SLC24A4: variants seen among roughly 807,000 people sequenced by gnomAD.
SLC24A4 encodes the protein sodium/potassium/calcium exchanger 4.
SLC24A4 carries 53 observed loss-of-function variants against 79.0 expected under a neutral mutation model. The observed-to-expected ratio is 0.67, with a 90% CI of 0.54 to 0.84. The LOEUF is 0.84. Among genes scored for constraint, SLC24A4 ranks in the 40% least tolerant of loss-of-function variants. The pLI is 0.00. For missense variants in SLC24A4, 731 were observed against 822.0 expected (o/e 0.89, Z 1.35); for synonymous variants, 323 against 323.8 (o/e 1.00, Z 0.03).
chr14:92,467,630 T>C (rs2139881054), intron 12 of SLC24A4, among the ~76,000 whole-genome samples: 1 of 152,270 alleles, frequency 6.6e-6, no homozygotes, highest in Non-Finnish European at 1.5e-5. Context: ...TCCAGGCCAC[T>C]TGCCCTAGAA....
At position 92,352,191 on chromosome 14, in the gene SLC24A4, A is replaced by C. The variant is rs1178896678; in HGVS notation, c.241+26213A>C. Among the ~76,000 whole-genome samples, 4 of 152,304 alleles carry C rather than the reference A, an allele frequency of 2.6e-5. No homozygotes were observed. In the East Asian group the frequency reaches 7.7e-4, roughly 30 times the overall value. On this transcript the variant is annotated intron_variant, in intron 2 of 16. Transcript: ENST00000532405. ...GAACAAGGAGCTATGAATGAGAGGC[A>C]CCGTGAACAGGTGTGGGAGGCAATC... is the stretch of plus-strand genomic sequence containing the variant.
At chr14:92,443,320 C>CG (rs549172627) in intron 6 of SLC24A4, 80 bp from the exon 7 acceptor site, 1,388 of 1,354,308 alleles carry the variant, frequency 1.0e-3, no homozygotes, top group Non-Finnish European at 1.3e-3. Context: ...CCCTGCACTG[C>CG]GGGGGGAGGA....
rs1225298462 is a variant in SLC24A4 at position 92,490,461 on chromosome 14, C to T, written c.1538-1204C>T. On this transcript the variant is annotated intron_variant, in intron 14 of 16. Coordinates refer to ENST00000532405, the MANE Select transcript of SLC24A4 (RefSeq NM_153646.4). This position sits in a 1 kb window ranked among gnomAD's most constrained non-coding sequence, Gnocchi z 4.3. ...CCCCAGCCTCTGATGTGCTTCTAGC[C>T]TGGTTGGGGAAAGAGAGCTCACCCT... Among the ~76,000 whole-genome samples, 1 of 152,118 alleles carries T rather than the reference C, an allele frequency of 6.6e-6. No individual in the cohort carries two copies. The highest frequency in any genetic ancestry group is 1.5e-5 in the Non-Finnish European group (1 of 68,040).
At chr14:92,474,818 T>C (rs1894651165) in intron 12 of SLC24A4, among the ~76,000 whole-genome samples, 2 of 77,230 alleles carry the variant, frequency 2.6e-5, no homozygotes, top group Non-Finnish European at 5.4e-5. Context: ...TATACATATA[T>C]ATACATATAT....
intron 12 of SLC24A4, among the ~76,000 whole-genome samples, chr14:92,478,967 T>C (rs2896210): frequency 0.91 from 138,314 of 152,124 alleles, 63,859 homozygotes; most frequent in Non-Finnish European, 0.99. Flanking sequence ...GCATTGTACA[T>C]GGAATTGTTT....
In SLC24A4 at chr14:92,385,776, A is replaced by T. The variant is rs1018959608; in HGVS notation, c.242-48136A>T. 2.6e-4 allele frequency among the ~76,000 whole-genome samples: 39 copies of T among 152,154 alleles called. 1 individual carries two copies. The highest frequency in any genetic ancestry group is 2.6e-3 in the Admixed American group (39 of 15,282). ...GATGAGCCCTTGTCCCATGAGGCTG[A>T]GCTGGGTGTCGCAAGGACAGCATCT... On this transcript the variant is annotated intron_variant, in intron 2 of 16. Coordinates refer to ENST00000532405, the MANE Select transcript of SLC24A4 (RefSeq NM_153646.4).
At chr14:92,425,186 T>C (rs1440195930) in intron 2 of SLC24A4, among the ~76,000 whole-genome samples, 1 of 152,196 alleles carries the variant, frequency 6.6e-6, no homozygotes, top group Non-Finnish European at 1.5e-5. Context: ...GAAGAGAATC[T>C]TCACCAGAAA....
intron 12 of SLC24A4, among the ~76,000 whole-genome samples, chr14:92,463,232 G>T (rs1032171824): frequency 6.6e-6 from 1 of 152,092 alleles, no homozygotes; most frequent in Non-Finnish European, 1.5e-5. Flanking sequence ...CTCTTGAGAG[G>T]GCTCTACCGG....
chr14:92,443,310 C>A, intron 6 of SLC24A4, 90 bp from the exon 7 acceptor site: 1 of 1,213,846 alleles, frequency 8.2e-7, no homozygotes, highest in Non-Finnish European at 1.2e-6. Flanking sequence ...TGTGGGCATG[C>A]CCTGCACTGC....
At chr14:92,373,693 C>T (rs1012137722) in intron 2 of SLC24A4, among the ~76,000 whole-genome samples, 10 of 152,176 alleles carry the variant, frequency 6.6e-5, no homozygotes, top group South Asian at 2.1e-4. Context: ...TTTCGACGAC[C>T]GCACATCAGA....
intron 2 of SLC24A4, among the ~76,000 whole-genome samples, chr14:92,367,447 C>G (rs5024252): frequency 6.6e-6 from 1 of 151,854 alleles, no homozygotes; most frequent in African/African-American, 2.4e-5. Flanking sequence ...ATATGTTATC[C>G]CACACAGTTG....
At chr14:92,343,490 C>T (rs1886284958) in intron 2 of SLC24A4, among the ~76,000 whole-genome samples, 1 of 152,184 alleles carries the variant, frequency 6.6e-6, no homozygotes, top group Admixed American at 6.5e-5. Context: ...CTCTCTGCCT[C>T]CCAGACCGAT....
chr14:92,393,565 TTA>T (rs1491508829), intron 2 of SLC24A4, among the ~76,000 whole-genome samples: 22 of 135,938 alleles, frequency 1.6e-4, no homozygotes, highest in African/African-American at 6.0e-4. Flanking sequence ...TTTTTTTTTT[TTA>T]CGGAGTCTCG....
At chr14:92,491,885 TCAGA>T in intron 15 of SLC24A4, 108 bp downstream of exon 15, 1 of 851,096 alleles carries the variant, frequency 1.2e-6, no homozygotes, top group Non-Finnish European at 1.9e-6. Context: ...TCCTTGGCAC[TCAGA>T]CACCCATTTT....
At position 92,372,264 on chromosome 14, in the gene SLC24A4, G is replaced by A. The variant is rs545247483; in HGVS notation, c.241+46286G>A. On this transcript the variant is annotated intron_variant, in intron 2 of 16. Coordinates refer to ENST00000532405, the MANE Select transcript of SLC24A4 (RefSeq NM_153646.4). Reference sequence around the variant, plus strand: ...GGGACCTGGGTCTCAGAGCACTTGAGTCTCACCAGACAGACTCATCTTCCA... The same window carrying A: ...GGGACCTGGGTCTCAGAGCACTTGAATCTCACCAGACAGACTCATCTTCCA... Among the ~76,000 whole-genome samples the A allele has an allele frequency of 5.3e-5, 8 of 152,230 alleles. No individual in the cohort carries two copies. The South Asian group carries it at 1.0e-3, about 20-fold the overall frequency.
intron 2 of SLC24A4, among the ~76,000 whole-genome samples, chr14:92,392,213 T>G (rs1038857736): frequency 2.6e-5 from 4 of 151,252 alleles, no homozygotes; most frequent in Non-Finnish European, 5.9e-5. Flanking sequence ...TAAAGGTTAG[T>G]GTGGAGAAAT....
chr14:92,406,112 A>G (rs1256067544), intron 2 of SLC24A4, among the ~76,000 whole-genome samples: 1 of 152,186 alleles, frequency 6.6e-6, no homozygotes, highest in African/African-American at 2.4e-5. Flanking sequence ...GGGGCTACAG[A>G]CTCCATGCAT....
At chr14:92,392,513 C>T (rs537023453) in intron 2 of SLC24A4, among the ~76,000 whole-genome samples, 174 of 152,118 alleles carry the variant, frequency 1.1e-3, no homozygotes, top group African/African-American at 4.1e-3. Context: ...ATCTCTGCAT[C>T]GTGGCGGCTA....
At chr14:92,367,441 G>A (rs1282271226) in intron 2 of SLC24A4, among the ~76,000 whole-genome samples, 9 of 152,216 alleles carry the variant, frequency 5.9e-5, no homozygotes, top group South Asian at 4.1e-4. Flanking sequence ...GCTCACATAT[G>A]TTATCCCACA....
Sources: gnomAD v4.1 joint callset for allele counts (sites outside exome capture counted in the v4.1 genomes callset) on GRCh38, gnomAD v4.1.1 for gene constraint, Gnocchi (gnomAD v3.1) non-coding constraint, MANE v1.5 for transcripts, NCBI Gene and HGNC (gene_info 2026-07-23, HGNC 2026-07-21) for gene names.